Variants in CMC1 observed in about 807,000 individuals in gnomAD.
CMC1 encodes the protein COX assembly mitochondrial protein homolog.
In CMC1, 14 loss-of-function variants were observed where a neutral mutation model predicts 14.1. That is an observed-to-expected ratio of 0.99 (90% CI 0.66 to 1.55). The LOEUF (loss-of-function observed/expected upper bound fraction) is 1.55, where lower values mean the gene tolerates loss of function less well. Ranked by LOEUF, CMC1 falls within the 40% of genes most tolerant of loss-of-function variation. CMC1 has a pLI of 0.00. For synonymous variants in CMC1, 50 were observed against 38.4 expected (o/e 1.30, Z -1.12); for missense variants, 127 against 123.8 (o/e 1.03, Z -0.12).
At chr3:28,246,283 A>G (rs537511370) in intron 1 of CMC1, among the ~76,000 whole-genome samples, 32 of 152,156 alleles carry the variant, frequency 2.1e-4, no homozygotes, top group African/African-American at 7.7e-4. Context: ...CGGATTAACA[A>G]CTCTCTGATG....
At chr3:28,283,551 C>CAA (rs5847510) in intron 2 of CMC1, among the ~76,000 whole-genome samples, 62 of 118,244 alleles carry the variant, frequency 5.2e-4, no homozygotes, top group African/African-American at 6.2e-4. Context: ...ACAACAAAAA[C>CAA]AAAAAAAAAA....
chr3:28,246,188 A>C lies in CMC1; in HGVS notation c.19+4376A>C, dbSNP rs191234642. ...AAATTACGTTGGTGGCTCAGAACAA[A>C]AAAAAAAAGACCTAACATCTACATT... On this transcript the variant is annotated intron_variant, in intron 1 of 3. Transcript: ENST00000466830. 3.3e-3 allele frequency among the ~76,000 whole-genome samples: 504 copies of C among 152,100 alleles called. 2 individuals are homozygous for C. The highest frequency in any genetic ancestry group is 0.012 in the African/African-American group (485 of 41,516).
At chr3:28,275,678 G>A (rs988917528) in intron 2 of CMC1, among the ~76,000 whole-genome samples, 3 of 152,094 alleles carry the variant, frequency 2.0e-5, no homozygotes, top group Admixed American at 6.6e-5. Flanking sequence ...AATCCTACTC[G>A]TCTGGACTGC....
At chr3:28,285,444 A>G (rs1162359877) in intron 2 of CMC1, among the ~76,000 whole-genome samples, 1 of 152,152 alleles carries the variant, frequency 6.6e-6, no homozygotes, top group African/African-American at 2.4e-5. Flanking sequence ...CAAATATCAC[A>G]TGTTCTCACG....
At chr3:28,249,547 G>T (rs1699016356) in intron 1 of CMC1, among the ~76,000 whole-genome samples, 1 of 152,188 alleles carries the variant, frequency 6.6e-6, no homozygotes, top group Admixed American at 6.5e-5. Flanking sequence ...CAGTCTAGCT[G>T]CATATTATAA....
intron 2 of CMC1, among the ~76,000 whole-genome samples, chr3:28,263,767 C>G (rs550351389): frequency 6.6e-6 from 1 of 152,012 alleles, no homozygotes; most frequent in African/African-American, 2.4e-5. Flanking sequence ...TATATATATT[C>G]TAAGGTGATT....
intron 2 of CMC1, among the ~76,000 whole-genome samples, chr3:28,267,388 CTT>C (rs1339729812): frequency 6.6e-6 from 1 of 152,106 alleles, no homozygotes; most frequent in African/African-American, 2.4e-5. Flanking sequence ...AGCCCTTTCT[CTT>C]TTTTCCTTTT....
intron 2 of CMC1, among the ~76,000 whole-genome samples, chr3:28,283,433 C>T (rs917388493): frequency 1.3e-5 from 2 of 151,640 alleles, no homozygotes; most frequent in Non-Finnish European, 2.9e-5. Flanking sequence ...GCAAGAGAAT[C>T]GCTTGGATGC....
chr3:28,271,754 C>G (rs1275845864), intron 2 of CMC1, among the ~76,000 whole-genome samples: 1 of 152,068 alleles, frequency 6.6e-6, no homozygotes, highest in African/African-American at 2.4e-5. Context: ...ATTCCGAATT[C>G]TAGTGGATGC....
intron 2 of CMC1, among the ~76,000 whole-genome samples, chr3:28,283,384 T>G (rs1005343484): frequency 5.9e-5 from 9 of 151,730 alleles, no homozygotes; most frequent in African/African-American, 2.2e-4. Context: ...CCAGGTGTCA[T>G]GGCGCATGCC....
Position 28,242,307 on chromosome 3 carries a change from G to A in CMC1, c.19+495G>A, listed in dbSNP as rs893280586. ...GGAAAGGATCTTCAAAATCTTGAATGTTGTTTTAATCTCTTTGCTTCCAGC... is the reference window on the plus strand; with the variant it reads ...GGAAAGGATCTTCAAAATCTTGAATATTGTTTTAATCTCTTTGCTTCCAGC... On this transcript the variant is annotated intron_variant, in intron 1 of 3. Coordinates refer to ENST00000466830, the MANE Select transcript of CMC1 (RefSeq NM_182523.2). Among the ~76,000 whole-genome samples, 12 of 152,224 alleles carry A rather than the reference G, an allele frequency of 7.9e-5. No individual in the cohort carries two copies. In the East Asian group the frequency reaches 2.3e-3, roughly 29 times the overall value.
chr3:28,253,799 G>A, intron 1 of CMC1: 3 of 1,095,314 alleles, frequency 2.7e-6, no homozygotes, highest in Non-Finnish European at 3.7e-6. Context: ...TTAAAAAATG[G>A]CATTACCTAA....
At chr3:28,251,657 CA>C (rs1699131566) in intron 1 of CMC1, among the ~76,000 whole-genome samples, 5 of 152,148 alleles carry the variant, frequency 3.3e-5, no homozygotes, top group African/African-American at 1.2e-4. Flanking sequence ...AAAAACCCTT[CA>C]ATATAAAAAT....
At chr3:28,309,440 A>G (rs1014771040) in intron 2 of CMC1, among the ~76,000 whole-genome samples, 2 of 152,018 alleles carry the variant, frequency 1.3e-5, no homozygotes, top group African/African-American at 2.4e-5. Flanking sequence ...CTGGGCCATC[A>G]TGCACCCAGC....
In CMC1 at chr3:28,323,611, CCTA is replaced by C. The variant is rs1474794383; in HGVS notation, c.*3985_*3987del. On this transcript the variant is annotated 3_prime_UTR_variant, in exon 4 of 4. Transcript: ENST00000466830. Reference sequence around the variant, plus strand: ...ACGCATTATAACAACAGAAATGTAACCTACTCACATTGCCATTTGTTCCATTAT... The same window carrying C: ...ACGCATTATAACAACAGAAATGTAACCTCACATTGCCATTTGTTCCATTAT... 6.5e-6 allele frequency: 1 copy of C among 153,334 alleles called. No homozygotes were observed. Among genetic ancestry groups the C allele is most frequent in the Non-Finnish European group, 1.5e-5 (1 of 68,686 alleles). The allele number at this position is 153,334 out of a possible 1,614,324, so 9.5% of individuals were successfully genotyped here.
Position 28,323,985 on chromosome 3 carries a change from G to T in CMC1, c.*4356G>T. 2 of 1,495,358 alleles carry T rather than the reference G, an allele frequency of 1.3e-6. No homozygotes were observed. Among genetic ancestry groups the T allele is most frequent in the South Asian group, 2.6e-5 (2 of 76,144 alleles). 92.6% of individuals were successfully genotyped at this position (1,495,358 alleles called of 1,614,324 possible). ...TTTCAGTTTGTTAAATAATTTCTTG[G>T]GAGGACCACTGAAAGAGATAAGTGT... On this transcript the variant is annotated 3_prime_UTR_variant, in exon 4 of 4. Transcript: ENST00000466830.
At chr3:28,281,037 T>C (rs1409969894) in intron 2 of CMC1, among the ~76,000 whole-genome samples, 1 of 152,260 alleles carries the variant, frequency 6.6e-6, no homozygotes, top group Non-Finnish European at 1.5e-5. Flanking sequence ...CTAAAATGTT[T>C]ACTCTTTGGC....
chr3:28,255,258 T>G lies in CMC1; in HGVS notation c.20-8033T>G, dbSNP rs1699332130. Reference sequence around the variant, plus strand: ...TGTTTCCTCTTTTTTTTTTTTTTTTTGAGACAGAGTCTCGCTCTGTCTCCT... The same window carrying G: ...TGTTTCCTCTTTTTTTTTTTTTTTTGGAGACAGAGTCTCGCTCTGTCTCCT... On this transcript the variant is annotated intron_variant, in intron 1 of 3. Coordinates refer to ENST00000466830, the MANE Select transcript of CMC1 (RefSeq NM_182523.2). Among the ~76,000 whole-genome samples the G allele has an allele frequency of 7.8e-5, 11 of 141,764 alleles. No individual in the cohort carries two copies. In the South Asian group the frequency reaches 2.6e-3, roughly 34 times the overall value. 93.0% of individuals were successfully genotyped at this position (141,764 alleles called of 152,430 possible). A position where few individuals can be genotyped will look rare whatever the true frequency, so the allele number is the denominator to read the frequency against.
At chr3:28,265,300 A>T (rs1699947314) in intron 2 of CMC1, among the ~76,000 whole-genome samples, 1 of 152,094 alleles carries the variant, frequency 6.6e-6, no homozygotes, top group African/African-American at 2.4e-5. Context: ...TCTAAAATTG[A>T]TAAGAGAATA....
Sources: gnomAD v4.1 joint callset for allele counts (sites outside exome capture counted in the v4.1 genomes callset) on GRCh38, gnomAD v4.1.1 for gene constraint, MANE v1.5 for transcripts, NCBI Gene and HGNC (gene_info 2026-07-23, HGNC 2026-07-21) for gene names.